GOLGA3: variants seen among roughly 807,000 people sequenced by gnomAD.
GOLGA3 encodes golgin A3.
GOLGA3 carries 75 observed loss-of-function variants against 169.4 expected under a neutral mutation model. That is an observed-to-expected ratio of 0.44 (90% CI 0.37 to 0.54). The LOEUF is 0.54. Among genes scored for constraint, GOLGA3 ranks in the 20% least tolerant of loss-of-function variants. GOLGA3 has a pLI of 0.00. For missense variants in GOLGA3, 1,899 were observed against 1,930.0 expected, an observed-to-expected ratio of 0.98 and a Z score of 0.30; for synonymous variants, 824 against 822.4, an observed-to-expected ratio of 1.00 and a Z score of -0.03.
rs895781996 is a variant in GOLGA3 at position 132,770,277 on chromosome 12, C to T, written c.*2828G>A. On this transcript the variant is annotated 3_prime_UTR_variant, in exon 24 of 24. Transcript: ENST00000450791. ...TCCAACTTCCTCTTTTAGGCGTCTTCTTAAGGAAGGAAGTGTCCGCGTGAA... is the reference window on the plus strand; with the variant it reads ...TCCAACTTCCTCTTTTAGGCGTCTTTTTAAGGAAGGAAGTGTCCGCGTGAA... 2.0e-5 allele frequency: 3 copies of T among 150,794 alleles called. No individual in the cohort carries two copies. Among genetic ancestry groups the T allele is most frequent in the African/African-American group, 7.4e-5 (3 of 40,448 alleles). The allele number at this position is 150,794 out of a possible 1,614,324, so 9.3% of individuals were successfully genotyped here. A position where few individuals can be genotyped will look rare whatever the true frequency, so the allele number is the denominator to read the frequency against.
intron 1 of GOLGA3, among the ~76,000 whole-genome samples, chr12:132,823,834 TA>T (rs969375767): frequency 6.9e-6 from 1 of 144,308 alleles, no homozygotes; most frequent in African/African-American, 2.6e-5. Flanking sequence ...TGTAATCCCA[TA>T]ACTTTGGGGG....
intron 15 of GOLGA3, among the ~76,000 whole-genome samples, chr12:132,785,623 G>C (rs2045857603): frequency 6.6e-6 from 1 of 152,130 alleles, no homozygotes; most frequent in South Asian, 2.1e-4. Context: ...GAGTTTATTT[G>C]ACAAGAAAAC....
intron 9 of GOLGA3, among the ~76,000 whole-genome samples, chr12:132,797,813 G>A (rs951035758): frequency 6.6e-6 from 1 of 152,228 alleles, no homozygotes; most frequent in Non-Finnish European, 1.5e-5. Flanking sequence ...GTCCTCTGGA[G>A]ATGGCTGTGC....
intron 8 of GOLGA3, among the ~76,000 whole-genome samples, chr12:132,800,443 G>A (rs1487637395): frequency 1.3e-5 from 2 of 152,188 alleles, no homozygotes; most frequent in Middle Eastern, 3.4e-3. Flanking sequence ...GCAGTGAGCT[G>A]AGATCACAAC....
At chr12:132,824,668 T>C (rs554698386) in intron 1 of GOLGA3, among the ~76,000 whole-genome samples, 1 of 152,274 alleles carries the variant, frequency 6.6e-6, no homozygotes, top group South Asian at 2.1e-4. Context: ...TGCAACGAAT[T>C]CTCAATCTCA....
At chr12:132,788,752 G>A (rs577017186) in intron 13 of GOLGA3, among the ~76,000 whole-genome samples, 3 of 152,090 alleles carry the variant, frequency 2.0e-5, no homozygotes, top group African/African-American at 4.8e-5. Flanking sequence ...GGTGCCTCAC[G>A]GGGCCTCCTC....
In GOLGA3 at chr12:132,804,731, T is replaced by C; in HGVS notation, c.1582A>G (p.Ser528Gly). 6.2e-7 allele frequency: 1 copy of C among 1,613,030 alleles called. No individual in the cohort carries two copies. The highest frequency in any genetic ancestry group is 2.2e-5 in the East Asian group (1 of 44,874). Reference protein sequence around the residue: ...KVEDMQRSMLSKDNTVHDLRQ... With the variant: ...KVEDMQRSMLGKDNTVHDLRQ... Reference sequence around the variant, plus strand: ...CCAGCCTCACCTGTGTTGTCCTTGCTGAGCATGCTCCTCTGCATGTCCTCT... The same window carrying C: ...CCAGCCTCACCTGTGTTGTCCTTGCCGAGCATGCTCCTCTGCATGTCCTCT... The change falls in exon 7 of 24, where the codon AGC (serine) becomes GGC (glycine). Residue 528 changes from serine (S) to glycine (G), a missense_variant. Coordinates refer to ENST00000450791, the MANE Select transcript of GOLGA3 (RefSeq NM_001389683.1). The surrounding 1 kb of genome is among the most constrained non-coding windows in gnomAD (Gnocchi z 4.1).
chr12:132,825,947 C>T (rs1358203780), intron 1 of GOLGA3: 8 of 949,710 alleles, frequency 8.4e-6, no homozygotes, highest in Non-Finnish European at 1.4e-5. Context: ...GATGAAGACG[C>T]AGAGGACCAC....
chr12:132,778,984 G>C (rs142789144), intron 18 of GOLGA3, among the ~76,000 whole-genome samples: 1 of 150,790 alleles, frequency 6.6e-6, no homozygotes, highest in African/African-American at 2.4e-5. Flanking sequence ...CCTGAACCAC[G>C]GCCCAGCAGC....
At chr12:132,786,658 GC>G in intron 14 of GOLGA3, 34 bp downstream of exon 14, 4 of 1,342,416 alleles carry the variant, frequency 3.0e-6, no homozygotes, top group Non-Finnish European at 3.1e-6. Flanking sequence ...CTCCCACCTG[GC>G]CCCCGCACCT....
At position 132,816,663 on chromosome 12, in the gene GOLGA3, GAGA is replaced by G. The variant is rs1949972647; in HGVS notation, c.280_282del (p.Ser94del). The G allele has an allele frequency of 6.2e-7, 1 of 1,614,076 alleles. No individual in the cohort carries two copies. The highest frequency in any genetic ancestry group is 8.5e-7 in the Non-Finnish European group (1 of 1,180,032). On this transcript the variant is annotated inframe_deletion, in exon 3 of 24. Transcript: ENST00000450791. ...TTGTCATGGAAACCAGCCACACCTG[GAGA>G]GGCATCAGGGCCCACTGGGCTTGTG...
In GOLGA3 at chr12:132,784,322, G is replaced by A. The variant is rs747915168; in HGVS notation, c.3124-15C>T. 33 of 1,598,338 alleles carry A rather than the reference G, an allele frequency of 2.1e-5. No individual in the cohort carries two copies. Among genetic ancestry groups the A allele is most frequent in the Middle Eastern group, 1.7e-4 (1 of 6,050 alleles). On this transcript the variant is annotated splice_polypyrimidine_tract_variant and intron_variant, in intron 15 of 23. Coordinates refer to ENST00000450791, the MANE Select transcript of GOLGA3 (RefSeq NM_001389683.1). ...TGGATCCTTTCCTAAGGGCCAAGATGGAACGGGCGCTTGGTCATGGGACAG... is the reference window on the plus strand; with the variant it reads ...TGGATCCTTTCCTAAGGGCCAAGATAGAACGGGCGCTTGGTCATGGGACAG...
At chr12:132,825,348 T>G (rs992155703) in intron 1 of GOLGA3, among the ~76,000 whole-genome samples, 1 of 152,178 alleles carries the variant, frequency 6.6e-6, no homozygotes, top group Admixed American at 6.5e-5. Context: ...GCACGTCATG[T>G]CTGCCATTGC....
At chr12:132,786,980 G>A (rs975950017) in intron 13 of GOLGA3, among the ~76,000 whole-genome samples, 193 bp from the exon 14 acceptor site, 4 of 151,540 alleles carry the variant, frequency 2.6e-5, no homozygotes, top group Admixed American at 6.6e-5. Context: ...TTGAGATGGA[G>A]TCTCACTCTG....
chr12:132,813,795 G>A (rs1305818937), intron 3 of GOLGA3, among the ~76,000 whole-genome samples: 2 of 147,592 alleles, frequency 1.4e-5, no homozygotes, highest in Non-Finnish European at 3.0e-5. Flanking sequence ...CATGATCTCG[G>A]CTCACAGCAA....
In GOLGA3 at chr12:132,777,851, C is replaced by T. The variant is rs1336330865; in HGVS notation, c.3583-46G>A. 3 of 1,606,550 alleles carry T rather than the reference C, an allele frequency of 1.9e-6. No homozygotes were observed. The highest frequency in any genetic ancestry group is 2.7e-5 in the African/African-American group (2 of 74,748). ...TTGTCCATGCCCTGCGTGACACCCA[C>T]AGCTTTATGACGTGCCGGGCGCAGG... On this transcript the variant is annotated intron_variant, in intron 18 of 23. Coordinates refer to ENST00000450791, the MANE Select transcript of GOLGA3 (RefSeq NM_001389683.1). The surrounding 1 kb of genome is among the most constrained non-coding windows in gnomAD (Gnocchi z 4.7).
At position 132,771,971 on chromosome 12, in the gene GOLGA3, T is replaced by TCC. The variant is rs1244183949; in HGVS notation, c.*1132_*1133dup. ...CTGACCAAGGGTCCAAGCTGCCCCT[T>TCC]CCCAGTGGCCAGCCACGGTGGAATC... On this transcript the variant is annotated 3_prime_UTR_variant, in exon 24 of 24. Coordinates refer to ENST00000450791, the MANE Select transcript of GOLGA3 (RefSeq NM_001389683.1). The TCC allele has an allele frequency of 3.3e-5, 5 of 152,416 alleles. No homozygotes were observed. The highest frequency in any genetic ancestry group is 7.3e-5 in the Non-Finnish European group (5 of 68,090). The allele number at this position is 152,416 out of a possible 1,614,324, so 9.4% of individuals were successfully genotyped here.
At chr12:132,786,658 G>T in intron 14 of GOLGA3, 35 bp downstream of exon 14, 2 of 1,342,432 alleles carry the variant, frequency 1.5e-6, no homozygotes, top group South Asian at 1.2e-5. Context: ...CTCCCACCTG[G>T]CCCCCGCACC....
At position 132,782,501 on chromosome 12, in the gene GOLGA3, A is replaced by G; in HGVS notation, c.3268-8T>C. On this transcript the variant is annotated splice_polypyrimidine_tract_variant and splice_region_variant and intron_variant, in intron 16 of 23. Transcript: ENST00000450791. ...GCCTCTGGATTCTTGAAGCTGAAAC[A>G]TACCAATGTCACTGTAAAATTACCT... is the stretch of plus-strand genomic sequence containing the variant. 6.2e-7 allele frequency: 1 copy of G among 1,607,652 alleles called. No homozygotes were observed.
Sources: gnomAD v4.1 joint callset for allele counts (sites outside exome capture counted in the v4.1 genomes callset) on GRCh38, gnomAD v4.1.1 for gene constraint, Gnocchi (gnomAD v3.1) non-coding constraint, MANE v1.5 for transcripts, NCBI Gene and HGNC (gene_info 2026-07-23, HGNC 2026-07-21) for gene names.